The following OTUB1 variants were observed in gnomAD, a reference collection of about 807,000 sequenced individuals.
OTUB1 encodes the protein OTU deubiquitinase, ubiquitin aldehyde binding 1.
OTUB1 carries 10 observed loss-of-function variants against 35.8 expected under a neutral mutation model. The observed-to-expected ratio is 0.28, with a 90% CI of 0.17 to 0.47. The LOEUF is 0.47. OTUB1 is among the 20% of genes least tolerant of loss of function. The pLI is 0.99. For synonymous variants in OTUB1, 158 were observed against 143.8 expected (o/e 1.10, Z -0.71); for missense variants, 264 against 351.6 (o/e 0.75, Z 1.99).
Position 63,987,374 on chromosome 11 carries a change from G to A in OTUB1, c.58+860G>A, listed in dbSNP as rs796684811. Among the ~76,000 whole-genome samples, 8 of 152,202 alleles carry A rather than the reference G, an allele frequency of 5.3e-5. No individual in the cohort carries two copies. The South Asian group carries it at 1.7e-3, about 32-fold the overall frequency. On this transcript the variant is annotated intron_variant, in intron 1 of 6. Transcript: ENST00000538426. ...GCCCCGGAAGGGACTTGTTCAAGAT[G>A]ACATTAAGAGAGAGCCAGGACTAAA...
Position 63,997,944 on chromosome 11 carries a change from T to A in OTUB1, c.*398T>A, listed in dbSNP as rs1590783464. 2 of 594,048 alleles carry A rather than the reference T, an allele frequency of 3.4e-6. No homozygotes were observed. The highest frequency in any genetic ancestry group is 3.0e-6 in the Non-Finnish European group (1 of 333,546). The allele number at this position is 594,048 out of a possible 1,614,324, so 36.8% of individuals were successfully genotyped here. Reference sequence around the variant, plus strand: ...AAGTTCCTTAGGGACTTGCCCAGGGTCCCAGGGCCACCCACACTTCATCTG... The same window carrying A: ...AAGTTCCTTAGGGACTTGCCCAGGGACCCAGGGCCACCCACACTTCATCTG... On this transcript the variant is annotated 3_prime_UTR_variant, in exon 7 of 7. Coordinates refer to ENST00000538426, the MANE Select transcript of OTUB1 (RefSeq NM_017670.3).
In OTUB1 at chr11:63,997,792, A is replaced by G. The variant is rs1051199652; in HGVS notation, c.*246A>G. Reference sequence around the variant, plus strand: ...AGGTGGGTCCCCCTGCTTTTCACCTATCTACTCCTGAGCTTCCCCAACAGG... The same window carrying G: ...AGGTGGGTCCCCCTGCTTTTCACCTGTCTACTCCTGAGCTTCCCCAACAGG... On this transcript the variant is annotated 3_prime_UTR_variant, in exon 7 of 7. Transcript: ENST00000538426. 1.1e-5 allele frequency: 8 copies of G among 699,534 alleles called. No individual in the cohort carries two copies. Among genetic ancestry groups the G allele is most frequent in the Admixed American group, 8.0e-5 (4 of 49,928 alleles). The allele number at this position is 699,534 out of a possible 1,614,324, so 43.3% of individuals were successfully genotyped here.
chr11:63,990,503 T>C (rs1259103505), intron 3 of OTUB1: 1 of 151,288 alleles, frequency 6.6e-6, no homozygotes, highest in African/African-American at 2.4e-5. Context: ...GAGGCTGCGG[T>C]TGGAGGATCA....
intron 3 of OTUB1, among the ~76,000 whole-genome samples, chr11:63,993,941 A>G (rs1942695317): frequency 1.3e-5 from 2 of 152,130 alleles, no homozygotes; most frequent in Non-Finnish European, 2.9e-5. Context: ...AGCCTGGGCA[A>G]TATGGTGAAA....
At position 63,997,045 on chromosome 11, in the gene OTUB1, T is replaced by C; in HGVS notation, c.424-5T>C. ...ATCTTGCCCTTTCTCCCTCCGTGGC[T>C]GCAGTTCATGGACCTGATTGAGCAG... On this transcript the variant is annotated splice_polypyrimidine_tract_variant and splice_region_variant and intron_variant, in intron 5 of 6. Transcript: ENST00000538426. 6.2e-7 allele frequency: 1 copy of C among 1,613,198 alleles called. No homozygotes were observed. Among genetic ancestry groups the C allele is most frequent in the South Asian group, 1.1e-5 (1 of 91,080 alleles).
At chr11:63,994,257 C>G (rs1942698075) in intron 3 of OTUB1, among the ~76,000 whole-genome samples, 1 of 152,114 alleles carries the variant, frequency 6.6e-6, no homozygotes, top group Non-Finnish European at 1.5e-5. Flanking sequence ...GACTGTTTTC[C>G]TTTTTCCTTT....
Position 63,996,616 on chromosome 11 carries a change from G to A in OTUB1, c.306G>A (p.Glu102=). 6.2e-7 allele frequency: 1 copy of A among 1,614,256 alleles called. No homozygotes were observed. Among genetic ancestry groups the A allele is most frequent in the Non-Finnish European group, 8.5e-7 (1 of 1,180,044 alleles). The change falls in exon 4 of 7, where the codon GAG becomes GAA. Residue 102 remains glutamate, a synonymous_variant. Coordinates refer to ENST00000538426, the MANE Select transcript of OTUB1 (RefSeq NM_017670.3). ...FYRAFGFSHL[E]ALLDDSKELQ... Reference sequence around the variant, plus strand: ...GGGCTTTCGGATTCTCCCACTTGGAGGCACTGCTGGATGACAGCAAGGAGT... The same window carrying A: ...GGGCTTTCGGATTCTCCCACTTGGAAGCACTGCTGGATGACAGCAAGGAGT...
chr11:63,995,580 G>C (rs1942709467), intron 3 of OTUB1, among the ~76,000 whole-genome samples: 2 of 151,726 alleles, frequency 1.3e-5, no homozygotes, highest in Non-Finnish European at 2.9e-5. Context: ...CTCCCACCTT[G>C]GCCTCCCAAA....
intron 3 of OTUB1, among the ~76,000 whole-genome samples, chr11:63,993,094 G>A (rs939132309): frequency 1.3e-5 from 2 of 152,232 alleles, no homozygotes; most frequent in African/African-American, 4.8e-5. Flanking sequence ...GGCGGGCAGC[G>A]GGTGGTAGAG....
At chr11:63,987,640 G>A (rs2134304446) in intron 1 of OTUB1, among the ~76,000 whole-genome samples, 1 of 152,372 alleles carries the variant, frequency 6.6e-6, no homozygotes, top group South Asian at 2.1e-4. Flanking sequence ...TCTTTTGCTA[G>A]TTGTGACCTT....
chr11:63,986,597 G>A, intron 1 of OTUB1, 83 bp downstream of exon 1: 1 of 1,310,232 alleles, frequency 7.6e-7, no homozygotes, highest in Non-Finnish European at 1.0e-6. Flanking sequence ...AGGGGAGGCA[G>A]GGCCGCTGGC....
chr11:63,987,675 A>C (rs775003383), intron 1 of OTUB1, among the ~76,000 whole-genome samples: 7 of 152,176 alleles, frequency 4.6e-5, no homozygotes, highest in Non-Finnish European at 1.0e-4. Context: ...ACCTGTCTGC[A>C]GTTGTTTTGT....
At chr11:63,992,986 G>C (rs1451726883) in intron 3 of OTUB1, among the ~76,000 whole-genome samples, 1 of 152,214 alleles carries the variant, frequency 6.6e-6, no homozygotes, top group Non-Finnish European at 1.5e-5. Flanking sequence ...ACGCCAAGCC[G>C]ACCCTGGCCA....
Position 63,997,162 on chromosome 11 carries a change from C to T in OTUB1, c.536C>T (p.Thr179Ile), listed in dbSNP as rs1347627290. The part of the protein sequence containing the change: ...DYLVVYLRLL[T>I]SGYLQRESKF... ...CTTGTGGTCTACCTGCGGCTGCTCA[C>T]CTCGGGCTACCTGCAGCGCGAGAGC... is the stretch of plus-strand genomic sequence containing the variant. Residue 179 changes from threonine to isoleucine, a missense_variant, in exon 6 of 7, where the codon ACC (threonine) becomes ATC (isoleucine). Physicochemically the swap from Thr to Ile is moderately conservative, Grantham distance 89 (BLOSUM62 -1). Transcript: ENST00000538426. 10 of 1,614,238 alleles carry T rather than the reference C, an allele frequency of 6.2e-6. No individual in the cohort carries two copies. Among genetic ancestry groups the T allele is most frequent in the Non-Finnish European group, 8.5e-6 (10 of 1,180,030 alleles).
intron 1 of OTUB1, among the ~76,000 whole-genome samples, chr11:63,987,339 TG>T (rs535161254): frequency 6.6e-6 from 1 of 152,130 alleles, no homozygotes; most frequent in South Asian, 2.1e-4. Context: ...GAACGAGAAG[TG>T]GGAAAACGGC....
In OTUB1 at chr11:63,986,523, C is replaced by T; in HGVS notation, c.58+9C>T. 6.5e-7 allele frequency: 1 copy of T among 1,545,952 alleles called. No homozygotes were observed. Among genetic ancestry groups the T allele is most frequent in the Non-Finnish European group, 8.7e-7 (1 of 1,144,150 alleles). ...GGGCAGCGACTCCGAAGGTACAGATCCAAGGAGGGATGTCCGGCCCGGGCT... is the reference window on the plus strand; with the variant it reads ...GGGCAGCGACTCCGAAGGTACAGATTCAAGGAGGGATGTCCGGCCCGGGCT... On this transcript the variant is annotated intron_variant, in intron 1 of 6. Transcript: ENST00000538426.
chr11:63,987,519 A>G (rs1942632217), intron 1 of OTUB1, among the ~76,000 whole-genome samples: 1 of 151,712 alleles, frequency 6.6e-6, no homozygotes, highest in South Asian at 2.1e-4. Flanking sequence ...AGGCGAGGGT[A>G]CTCGCCCCAT....
In OTUB1 at chr11:63,997,442, C is replaced by G. The variant is rs1170376843; in HGVS notation, c.712C>G (p.Arg238Gly). 1 of 1,614,072 alleles carries G rather than the reference C, an allele frequency of 6.2e-7. No individual in the cohort carries two copies. The highest frequency in any genetic ancestry group is 1.1e-5 in the South Asian group (1 of 91,088). ...SVSIQVEYMD[R>G]GEGGTTNPHI... ...GTCCATCCAGGTGGAGTACATGGACCGCGGCGAGGGCGGCACCACCAATCC... is the reference window on the plus strand; with the variant it reads ...GTCCATCCAGGTGGAGTACATGGACGGCGGCGAGGGCGGCACCACCAATCC... The change falls in exon 7 of 7, where the codon CGC becomes GGC. Residue 238 changes from arginine (R) to glycine (G), a missense_variant. Arg to Gly is a moderately radical substitution (Grantham distance 125, BLOSUM62 -2). This residue lies in a region of OTUB1 where 214 missense variants were observed against 317.1 expected (regional missense o/e 0.67). Transcript: ENST00000538426.
In OTUB1 at chr11:63,986,456, G is replaced by A. The variant is rs1456973554; in HGVS notation, c.-1G>A. 4 of 1,554,652 alleles carry A rather than the reference G, an allele frequency of 2.6e-6. No homozygotes were observed. Among genetic ancestry groups the A allele is most frequent in the South Asian group, 1.2e-5 (1 of 84,322 alleles). On this transcript the variant is annotated 5_prime_UTR_variant, in exon 1 of 7. Transcript: ENST00000538426. ...GGTCGGTAGTGCGGCGCTGTTTAAA[G>A]ATGGCGGCGGAGGAACCTCAGCAGC...
Sources: allele counts gnomAD v4.1 joint callset (sites outside exome capture counted in the v4.1 genomes callset), GRCh38; gene constraint gnomAD v4.1.1; regional missense constraint gnomAD v4.1.1; transcripts MANE v1.5; gene names NCBI Gene and HGNC (gene_info 2026-07-23, HGNC 2026-07-21).